Variants in EPB41L4A observed in about 807,000 individuals in gnomAD.
The protein encoded by EPB41L4A is band 4.1-like protein 4A.
EPB41L4A carries 100 observed loss-of-function variants against 108.6 expected under a neutral mutation model. That is an observed-to-expected ratio of 0.92 (90% CI 0.78 to 1.09). The LOEUF is 1.09. Ranked by LOEUF, EPB41L4A falls within the 50% of genes least tolerant of loss-of-function variation. EPB41L4A has a pLI of 0.00. For synonymous variants in EPB41L4A, 319 were observed against 289.0 expected, an observed-to-expected ratio of 1.10 and a Z score of -1.05; for missense variants, 1,030 against 842.7, an observed-to-expected ratio of 1.22 and a Z score of -2.75.
chr5:112,305,296 T>A (rs1290794424), intron 2 of EPB41L4A, among the ~76,000 whole-genome samples: 1 of 152,108 alleles, frequency 6.6e-6, no homozygotes, highest in African/African-American at 2.4e-5. Context: ...GGTGCACTGA[T>A]GATGATGGTG....
chr5:112,184,984 C>G (rs924357066), intron 17 of EPB41L4A, among the ~76,000 whole-genome samples: 4 of 152,068 alleles, frequency 2.6e-5, no homozygotes, highest in African/African-American at 9.7e-5. Flanking sequence ...TTTGGACTTC[C>G]GAGGTATCAA....
At chr5:112,375,265 T>C (rs891621198) in intron 1 of EPB41L4A, among the ~76,000 whole-genome samples, 4 of 151,432 alleles carry the variant, frequency 2.6e-5, no homozygotes, top group African/African-American at 9.7e-5. Flanking sequence ...TTCCTAAACC[T>C]AACTATCTTG....
intron 4 of EPB41L4A, among the ~76,000 whole-genome samples, chr5:112,274,384 C>G (rs998820221): frequency 8.6e-5 from 13 of 151,940 alleles, no homozygotes; most frequent in African/African-American, 3.1e-4. Context: ...TAAAATAAAA[C>G]AAAGTAAAAA....
At chr5:112,178,024 G>C (rs541293744) in intron 18 of EPB41L4A, among the ~76,000 whole-genome samples, 7 of 150,644 alleles carry the variant, frequency 4.6e-5, no homozygotes, top group Admixed American at 4.6e-4. Flanking sequence ...TAAAAGACAG[G>C]GATTGTCAGG....
intron 17 of EPB41L4A, among the ~76,000 whole-genome samples, chr5:112,190,316 G>A (rs889635093): frequency 6.6e-6 from 1 of 151,900 alleles, no homozygotes; most frequent in African/African-American, 2.4e-5. Flanking sequence ...TTAAGGGGGG[G>A]GTGTTACATA....
chr5:112,277,533 C>T (rs1004170600), intron 3 of EPB41L4A, among the ~76,000 whole-genome samples: 1 of 152,078 alleles, frequency 6.6e-6, no homozygotes, highest in Non-Finnish European at 1.5e-5. Context: ...ATTTGATTCT[C>T]AACAACAAAA....
chr5:112,365,143 T>A (rs1005227664), intron 1 of EPB41L4A, among the ~76,000 whole-genome samples: 8 of 152,172 alleles, frequency 5.3e-5, no homozygotes, highest in African/African-American at 1.9e-4. Flanking sequence ...AAACTGGGGA[T>A]CTTAATAGGC....
At position 112,306,763 on chromosome 5, in the gene EPB41L4A, C is replaced by G. The variant is rs17270401; in HGVS notation, c.204+623G>C. Reference sequence around the variant, plus strand: ...CTTTCGTCCTTCAAAATCTTCATCTCCAAAGTTTTTCCATTGTGGTGAATT... The same window carrying G: ...CTTTCGTCCTTCAAAATCTTCATCTGCAAAGTTTTTCCATTGTGGTGAATT... On this transcript the variant is annotated intron_variant, in intron 2 of 22. Transcript: ENST00000261486. Among the ~76,000 whole-genome samples, 1,031 of 152,212 alleles carry G rather than the reference C, an allele frequency of 6.8e-3. 8 individuals carry two copies. Among genetic ancestry groups the G allele is most frequent in the South Asian group, 0.025 (120 of 4,816 alleles).
chr5:112,239,599 G>C, intron 11 of EPB41L4A, 61 bp downstream of exon 11: 1 of 1,052,820 alleles, frequency 9.5e-7, no homozygotes, highest in Non-Finnish European at 1.4e-6. Context: ...GAGCATGTAT[G>C]ACAGCTGAAT....
chr5:112,198,192 G>A (rs768376409), intron 15 of EPB41L4A, among the ~76,000 whole-genome samples: 2 of 151,856 alleles, frequency 1.3e-5, no homozygotes, highest in Non-Finnish European at 2.9e-5. Context: ...GCACCACCAC[G>A]CCTGGCTAGT....
At chr5:112,258,893 C>CTA in intron 9 of EPB41L4A, among the ~76,000 whole-genome samples, 1 of 152,286 alleles carries the variant, frequency 6.6e-6, no homozygotes, top group East Asian at 1.9e-4. Context: ...TGAATGCAGG[C>CTA]TATACCCTTC....
At chr5:112,403,359 G>C (rs73214272) in intron 1 of EPB41L4A, among the ~76,000 whole-genome samples, 1 of 143,958 alleles carries the variant, frequency 6.9e-6, no homozygotes, top group Non-Finnish European at 1.5e-5. Context: ...AAAAAGGCAA[G>C]TCAGAGTCTT....
At chr5:112,373,631 C>T (rs1759630171) in intron 1 of EPB41L4A, among the ~76,000 whole-genome samples, 1 of 152,194 alleles carries the variant, frequency 6.6e-6, no homozygotes, top group South Asian at 2.1e-4. Flanking sequence ...AACTGAGATA[C>T]AAAGAAGTTA....
At chr5:112,319,366 T>C (rs1755623710) in intron 1 of EPB41L4A, among the ~76,000 whole-genome samples, 2 of 152,012 alleles carry the variant, frequency 1.3e-5, no homozygotes, top group Non-Finnish European at 2.9e-5. Flanking sequence ...AGAAGAGAAA[T>C]GTGTCCTTAC....
chr5:112,226,981 GA>G (rs35333803), intron 12 of EPB41L4A, among the ~76,000 whole-genome samples: 51,303 of 139,324 alleles, frequency 0.37, 9,990 homozygotes, highest in South Asian at 0.62. Context: ...TTACCACAAT[GA>G]AAAAAAAAAA....
intron 18 of EPB41L4A, among the ~76,000 whole-genome samples, chr5:112,171,490 GT>G (rs1201321057): frequency 6.6e-6 from 1 of 152,240 alleles, no homozygotes; most frequent in Non-Finnish European, 1.5e-5. Context: ...TACATCTGGT[GT>G]TGCATTTCTG....
intron 12 of EPB41L4A, among the ~76,000 whole-genome samples, chr5:112,220,194 A>G (rs1041166888): frequency 1.3e-5 from 2 of 152,230 alleles, no homozygotes; most frequent in Non-Finnish European, 2.9e-5. Context: ...ATTCTGTTAT[A>G]AAGACATCAC....
chr5:112,419,455 T>C (rs1561662740), upstream of EPB41L4A: 4 of 361,616 alleles, frequency 1.1e-5, no homozygotes, highest in Non-Finnish European at 2.2e-5. Flanking sequence ...TGGAAAACCC[T>C]GGAAGCGCTG....
intron 15 of EPB41L4A, among the ~76,000 whole-genome samples, chr5:112,196,040 C>G (rs891646455): frequency 1.3e-5 from 2 of 152,152 alleles, no homozygotes; most frequent in African/African-American, 4.8e-5. Context: ...CTTGGATGCC[C>G]TTTCCCATAC....
Sources: allele counts gnomAD v4.1 joint callset (sites outside exome capture counted in the v4.1 genomes callset), GRCh38; gene constraint gnomAD v4.1.1; transcripts MANE v1.5; gene names NCBI Gene and HGNC (gene_info 2026-07-23, HGNC 2026-07-21).